Variants in EBF1 observed in about 807,000 individuals in gnomAD.
EBF1 encodes the protein transcription factor COE1.
A neutral mutation model predicts 68.4 loss-of-function variants in EBF1; 10 were observed. The ratio of observed to expected loss-of-function variants is 0.15; its 90% CI spans 0.09 to 0.25. The LOEUF (loss-of-function observed/expected upper bound fraction) is 0.25, where lower values mean the gene tolerates loss of function less well. EBF1 is among the 10% of genes least tolerant of loss of function. EBF1 has a pLI of 1.00. For missense variants in EBF1, 509 were observed against 794.4 expected, an observed-to-expected ratio of 0.64 and a Z score of 4.32; for synonymous variants, 298 against 299.8, an observed-to-expected ratio of 0.99 and a Z score of 0.06.
intron 10 of EBF1, among the ~76,000 whole-genome samples, chr5:158,754,328 A>G (rs760582715): frequency 6.6e-6 from 1 of 152,118 alleles, no homozygotes; most frequent in Non-Finnish European, 1.5e-5. Context: ...ACCTGTAGCA[A>G]TCAAGTTATG....
intron 10 of EBF1, among the ~76,000 whole-genome samples, chr5:158,763,734 T>A (rs1299903862): frequency 6.6e-6 from 1 of 152,182 alleles, no homozygotes; most frequent in East Asian, 1.9e-4. Flanking sequence ...TCATATACAT[T>A]CAAAAATTTT....
intron 6 of EBF1, among the ~76,000 whole-genome samples, chr5:158,934,417 G>A (rs1400934336): frequency 1.3e-5 from 2 of 152,202 alleles, no homozygotes; most frequent in Non-Finnish European, 2.9e-5. Context: ...CCACTCTGTA[G>A]AGATATGAGG....
At chr5:158,750,382 T>C (rs1357574977) in intron 10 of EBF1, among the ~76,000 whole-genome samples, 1 of 152,088 alleles carries the variant, frequency 6.6e-6, no homozygotes, top group African/African-American at 2.4e-5. Flanking sequence ...GATTCCATTC[T>C]CTCTGTTTAC....
At chr5:159,034,508 G>A (rs1254764144) in intron 6 of EBF1, among the ~76,000 whole-genome samples, 1 of 152,172 alleles carries the variant, frequency 6.6e-6, no homozygotes, top group Non-Finnish European at 1.5e-5. Flanking sequence ...AACCCCAGCA[G>A]GCCACCTTGA....
At chr5:158,977,589 A>G (rs1439280298) in intron 6 of EBF1, among the ~76,000 whole-genome samples, 1 of 152,232 alleles carries the variant, frequency 6.6e-6, no homozygotes, top group Non-Finnish European at 1.5e-5. Context: ...CAGTTCAGAA[A>G]CATCAGCACA....
chr5:159,009,383 TG>T (rs1379081786), intron 6 of EBF1, among the ~76,000 whole-genome samples: 2 of 152,194 alleles, frequency 1.3e-5, no homozygotes, highest in Non-Finnish European at 2.9e-5. Flanking sequence ...CGTGATTGTG[TG>T]GAACTTGACA....
chr5:158,896,116 C>T (rs755790240), intron 6 of EBF1, among the ~76,000 whole-genome samples: 101 of 152,092 alleles, frequency 6.6e-4, no homozygotes, highest in Non-Finnish European at 1.3e-3. Context: ...ATTGTTAACC[C>T]TTCACAGAAG....
Position 158,973,365 on chromosome 5 carries a change from A to G in EBF1, c.554+100031T>C, listed in dbSNP as rs369672904. ...TTTCCCTCTCTAGAACATTCTTCAC[A>G]CTCTCCTACCCCAATCCCACCCCTT... On this transcript the variant is annotated intron_variant, in intron 6 of 15. Coordinates refer to ENST00000313708, the MANE Select transcript of EBF1 (RefSeq NM_024007.5). 2.1e-4 allele frequency among the ~76,000 whole-genome samples: 32 copies of G among 150,594 alleles called. 1 individual carries two copies. The South Asian group carries it at 6.6e-3, about 31-fold the overall frequency.
intron 6 of EBF1, among the ~76,000 whole-genome samples, chr5:158,899,699 T>C (rs939527556): frequency 3.3e-5 from 5 of 151,648 alleles, no homozygotes; most frequent in African/African-American, 1.2e-4. Flanking sequence ...CAGCTCCCAC[T>C]GACAACTACA....
At chr5:159,028,648 C>A (rs1263845123) in intron 6 of EBF1, among the ~76,000 whole-genome samples, 1 of 152,096 alleles carries the variant, frequency 6.6e-6, no homozygotes, top group Non-Finnish European at 1.5e-5. Flanking sequence ...AGCTGTATCC[C>A]CTGCACCAAG....
At chr5:158,862,217 T>C (rs555728561) in intron 6 of EBF1, among the ~76,000 whole-genome samples, 2 of 152,120 alleles carry the variant, frequency 1.3e-5, no homozygotes, top group African/African-American at 4.8e-5. Context: ...TAGTTTCATC[T>C]GAAAAAAAAA....
chr5:159,057,495 T>C (rs762852897), intron 6 of EBF1, among the ~76,000 whole-genome samples: 17 of 152,216 alleles, frequency 1.1e-4, no homozygotes, highest in Non-Finnish European at 2.4e-4. Context: ...AGGGGCTTCC[T>C]TGGACCCAAA....
At chr5:158,883,396 A>ATG (rs1206574312) in intron 6 of EBF1, among the ~76,000 whole-genome samples, 1 of 146,026 alleles carries the variant, frequency 6.8e-6, no homozygotes, top group Non-Finnish European at 1.5e-5. Flanking sequence ...ACATACATAC[A>ATG]TGTGTGTATA....
rs80142328 is a variant in EBF1 at position 158,758,880 on chromosome 5, G to T, written c.1036+18533C>A. On this transcript the variant is annotated intron_variant, in intron 10 of 15. Transcript: ENST00000313708. Reference sequence around the variant, plus strand: ...ACTCAAAAATGTGGAGCTAGAAAAGGCTGAGATAATATGTTGTCACTCCCA... The same window carrying T: ...ACTCAAAAATGTGGAGCTAGAAAAGTCTGAGATAATATGTTGTCACTCCCA... Among the ~76,000 whole-genome samples, 875 of 152,188 alleles carry T rather than the reference G, an allele frequency of 5.7e-3. 9 individuals are homozygous for T. The highest frequency in any genetic ancestry group is 0.02 in the African/African-American group (847 of 41,520).
chr5:158,907,645 G>A (rs1306508130), intron 6 of EBF1, among the ~76,000 whole-genome samples: 1 of 152,052 alleles, frequency 6.6e-6, no homozygotes, highest in Non-Finnish European at 1.5e-5. Flanking sequence ...AGTTTCATTT[G>A]TTATTTTAAA....
chr5:158,888,975 T>C (rs1312038248), intron 6 of EBF1, among the ~76,000 whole-genome samples: 1 of 152,178 alleles, frequency 6.6e-6, no homozygotes, highest in Non-Finnish European at 1.5e-5. Flanking sequence ...AATAATTCTC[T>C]TCCTTTCCTG....
In EBF1 at chr5:159,019,722, G is replaced by A. The variant is rs943298154; in HGVS notation, c.554+53674C>T. Among the ~76,000 whole-genome samples, 16 of 152,064 alleles carry A rather than the reference G, an allele frequency of 1.1e-4. 1 individual carries two copies. The highest frequency in any genetic ancestry group is 5.9e-4 in the Admixed American group (9 of 15,266). ...AAGAAGTGTCTCATGTGCCAACAGC[G>A]ATTTGCATTAAAACTGGATTTGATA... On this transcript the variant is annotated intron_variant, in intron 6 of 15. Transcript: ENST00000313708.
chr5:158,959,699 G>A (rs764686103), intron 6 of EBF1, among the ~76,000 whole-genome samples: 1 of 151,952 alleles, frequency 6.6e-6, no homozygotes, highest in Non-Finnish European at 1.5e-5. Flanking sequence ...AAGATAGAAA[G>A]ACTCAATTTA....
At chr5:158,744,443 G>C (rs531148192) in intron 10 of EBF1, among the ~76,000 whole-genome samples, 1 of 152,224 alleles carries the variant, frequency 6.6e-6, no homozygotes, top group Admixed American at 6.5e-5. Flanking sequence ...CAACCAACCA[G>C]GAGAGGTCTG....
Sources: gnomAD v4.1 joint callset for allele counts (sites outside exome capture counted in the v4.1 genomes callset) on GRCh38, gnomAD v4.1.1 for gene constraint, MANE v1.5 for transcripts, NCBI Gene and HGNC (gene_info 2026-07-23, HGNC 2026-07-21) for gene names.